Variants in MAP4K5 observed in about 807,000 individuals in gnomAD.
MAP4K5 encodes MAPK/ERK kinase kinase kinase 5.
In MAP4K5, 82 loss-of-function variants were observed where a neutral mutation model predicts 135.6. The ratio of observed to expected loss-of-function variants is 0.60; its 90% confidence interval spans 0.51 to 0.73. The LOEUF is 0.73. Ranked by LOEUF, MAP4K5 falls within the 30% of genes least tolerant of loss-of-function variation. The probability of loss-of-function intolerance (pLI) is 0.00; values close to 1 mark genes in which losing one functional copy is unlikely to be tolerated. For synonymous variants in MAP4K5, 347 were observed against 335.0 expected (o/e 1.04, Z -0.39); for missense variants, 907 against 1,010.9 (o/e 0.90, Z 1.39).
At chr14:50,471,950 G>C (rs928104010) in intron 9 of MAP4K5, 1 of 152,314 alleles carries the variant, frequency 6.6e-6, no homozygotes, top group Admixed American at 6.5e-5. Context: ...AGTTCCCTTA[G>C]AAGACATGAA....
chr14:50,501,698 T>C (rs1488900704), intron 3 of MAP4K5, among the ~76,000 whole-genome samples: 1 of 152,066 alleles, frequency 6.6e-6, no homozygotes, highest in Non-Finnish European at 1.5e-5. Context: ...CAATGTCAGA[T>C]AAAGTTATAT....
At chr14:50,553,094 A>G (rs147355337) in intron 1 of MAP4K5, among the ~76,000 whole-genome samples, 2,147 of 152,202 alleles carry the variant, frequency 0.014, 41 homozygotes, top group African/African-American at 0.049. Flanking sequence ...CAGGAGTTCA[A>G]GACCAGCCTG....
At chr14:50,420,140 A>G (rs1418668590) in intron 32 of MAP4K5, 34 bp from the exon 33 acceptor site, 1 of 1,199,310 alleles carries the variant, frequency 8.3e-7, no homozygotes. Context: ...GCTTAAGAGT[A>G]ACTACAGATT....
chr14:50,503,550 T>C (rs974860387), intron 3 of MAP4K5, among the ~76,000 whole-genome samples: 4 of 152,076 alleles, frequency 2.6e-5, no homozygotes, highest in Non-Finnish European at 4.4e-5. Context: ...TTATTGAGAA[T>C]TCAGAATTGC....
At chr14:50,456,009 C>T (rs923624048) in intron 14 of MAP4K5, among the ~76,000 whole-genome samples, 1 of 152,020 alleles carries the variant, frequency 6.6e-6, no homozygotes, top group African/African-American at 2.4e-5. Flanking sequence ...TTTTTAAAAC[C>T]TGAAACCAAC....
At chr14:50,511,688 C>T (rs1233216465) in intron 2 of MAP4K5, among the ~76,000 whole-genome samples, 1 of 152,002 alleles carries the variant, frequency 6.6e-6, no homozygotes, top group Non-Finnish European at 1.5e-5. Context: ...ATATGTACAA[C>T]TGTCAATTTT....
chr14:50,502,810 A>G (rs1377352328), intron 3 of MAP4K5, among the ~76,000 whole-genome samples: 1 of 152,128 alleles, frequency 6.6e-6, no homozygotes, highest in Non-Finnish European at 1.5e-5. Context: ...AAGGCACTTC[A>G]AATCTGTGGA....
chr14:50,467,591 A>G (rs2036861137), intron 10 of MAP4K5, among the ~76,000 whole-genome samples: 1 of 152,008 alleles, frequency 6.6e-6, no homozygotes, highest in East Asian at 1.9e-4. Flanking sequence ...ACCAACTACT[A>G]CATATTTAGA....
intron 6 of MAP4K5, among the ~76,000 whole-genome samples, chr14:50,477,769 T>A (rs1163863409): frequency 6.6e-6 from 1 of 152,194 alleles, no homozygotes; most frequent in African/African-American, 2.4e-5. Context: ...GATGAAATGA[T>A]TTTTGGATAT....
At position 50,462,778 on chromosome 14, in the gene MAP4K5, T is replaced by C. The variant is rs2036741232; in HGVS notation, c.823A>G (p.Thr275Ala). 5 of 1,598,260 alleles carry C rather than the reference T, an allele frequency of 3.1e-6. No individual in the cohort carries two copies. Among genetic ancestry groups the C allele is most frequent in the Non-Finnish European group, 4.3e-6 (5 of 1,166,972 alleles). ...RPTAERLLTH[T>A]FVAQPGLSRA... ...GAGAGACCTGGCTGTGCAACAAAAGTGTGCTAAAAGACAACAAAATGAAAT... is the reference window on the plus strand; with the variant it reads ...GAGAGACCTGGCTGTGCAACAAAAGCGTGCTAAAAGACAACAAAATGAAAT... The change falls in exon 13 of 33, where the codon ACT (threonine) becomes GCT (alanine). Residue 275 changes from threonine to alanine, a missense_variant. Thr to Ala is a moderately conservative substitution (Grantham distance 58). Coordinates refer to ENST00000682126, the MANE Select transcript of MAP4K5 (RefSeq NM_006575.6).
At chr14:50,422,074 T>C (rs185799522) in intron 32 of MAP4K5, among the ~76,000 whole-genome samples, 185 of 152,120 alleles carry the variant, frequency 1.2e-3, no homozygotes, top group Non-Finnish European at 2.0e-3. Context: ...CTATTTTTAG[T>C]AGAGACAGCT....
At chr14:50,491,067 T>C (rs2037474223) in intron 3 of MAP4K5, among the ~76,000 whole-genome samples, 1 of 152,080 alleles carries the variant, frequency 6.6e-6, no homozygotes, top group Non-Finnish European at 1.5e-5. Context: ...CTTAAAACTT[T>C]CTTGCAATCA....
chr14:50,535,408 A>G (rs1796295179), upstream of MAP4K5, among the ~76,000 whole-genome samples: 1 of 152,268 alleles, frequency 6.6e-6, no homozygotes, highest in Admixed American at 6.5e-5. Flanking sequence ...TATTGAACAT[A>G]CAGATTTAAG....
chr14:50,517,134 T>G (rs1322616366), intron 2 of MAP4K5, among the ~76,000 whole-genome samples: 8 of 152,054 alleles, frequency 5.3e-5, no homozygotes, highest in Non-Finnish European at 2.9e-5. Flanking sequence ...TTTTTCAGGT[T>G]TCTACAAAAT....
intron 19 of MAP4K5, 62 bp downstream of exon 19, chr14:50,443,877 G>A (rs2036282940): frequency 2.4e-5 from 35 of 1,459,274 alleles, no homozygotes; most frequent in South Asian, 1.2e-5. Context: ...AACAGACTAT[G>A]CCCCTTGCAT....
chr14:50,477,652 T>C (rs1204198497), intron 6 of MAP4K5, among the ~76,000 whole-genome samples: 2 of 152,136 alleles, frequency 1.3e-5, no homozygotes, highest in African/African-American at 4.8e-5. Flanking sequence ...TTCCTTTCTA[T>C]TCCTACCATG....
At chr14:50,485,798 C>T in intron 4 of MAP4K5, 156 bp from the exon 5 acceptor site, 1 of 569,616 alleles carries the variant, frequency 1.8e-6, no homozygotes, top group East Asian at 3.0e-5. Context: ...CAGAAAAGCA[C>T]ATTAATTTCA....
chr14:50,508,295 T>C (rs2037855446), intron 2 of MAP4K5, among the ~76,000 whole-genome samples: 1 of 152,114 alleles, frequency 6.6e-6, no homozygotes, highest in South Asian at 2.1e-4. Flanking sequence ...CTATTCACAA[T>C]AGCAAAGACT....
chr14:50,481,241 C>A (rs181647035), intron 6 of MAP4K5, among the ~76,000 whole-genome samples: 1 of 150,270 alleles, frequency 6.7e-6, no homozygotes, highest in Non-Finnish European at 1.5e-5. Context: ...GTTATGTAAA[C>A]GTTATAGGAA....
Sources: gnomAD v4.1 joint callset for allele counts (sites outside exome capture counted in the v4.1 genomes callset) on GRCh38, gnomAD v4.1.1 for gene constraint, MANE v1.5 for transcripts, NCBI Gene and HGNC (gene_info 2026-07-23, HGNC 2026-07-21) for gene names.